Variants in SLIT2 observed in about 807,000 individuals in gnomAD.
SLIT2 encodes slit homolog 2 protein.
A neutral mutation model predicts 185.7 loss-of-function variants in SLIT2; 41 were observed. That is an observed-to-expected ratio of 0.22 (90% CI 0.17 to 0.29). The LOEUF (loss-of-function observed/expected upper bound fraction) is 0.29, where lower values mean the gene tolerates loss of function less well. SLIT2 is among the 10% of genes least tolerant of loss of function. The pLI, the probability that SLIT2 is intolerant of heterozygous loss-of-function variation, is 1.00. For synonymous variants in SLIT2, 693 were observed against 680.2 expected, an observed-to-expected ratio of 1.02 and a Z score of -0.29; for missense variants, 1,571 against 1,909.0, an observed-to-expected ratio of 0.82 and a Z score of 3.30.
chr4:20,601,554 T>C (rs1241385435), intron 33 of SLIT2, among the ~76,000 whole-genome samples: 4 of 152,208 alleles, frequency 2.6e-5, no homozygotes, highest in African/African-American at 9.6e-5. Context: ...AATCCTCTCC[T>C]TTCCTTTACC....
intron 4 of SLIT2, among the ~76,000 whole-genome samples, chr4:20,318,947 A>T (rs185301791): frequency 8.3e-4 from 126 of 152,230 alleles, no homozygotes; most frequent in African/African-American, 3.0e-3. Context: ...TTCCTTAGAG[A>T]CTTATAGACA....
rs1249547502 is a variant in SLIT2, at chr4:20,607,770, T to C, written c.3693-2243T>C. Among the ~76,000 whole-genome samples the C allele has an allele frequency of 3.3e-5, 5 of 152,144 alleles. No homozygotes were observed. In the East Asian group the frequency reaches 9.6e-4, roughly 29 times the overall value. On this transcript the variant is annotated intron_variant, in intron 33 of 36. Coordinates refer to ENST00000504154, the MANE Select transcript of SLIT2 (RefSeq NM_004787.4). ...CTTGGTAATATATGGGTCTTTTCTT[T>C]GCAATTTTAAAGAGAAATGGGGGGC...
At chr4:20,537,090 T>A (rs1179966355) in intron 18 of SLIT2, among the ~76,000 whole-genome samples, 1 of 152,222 alleles carries the variant, frequency 6.6e-6, no homozygotes, top group Non-Finnish European at 1.5e-5. Flanking sequence ...GTTTTATAGT[T>A]AACTTTTTGT....
Position 20,253,521 on chromosome 4 carries a change from T to C in SLIT2, c.-295T>C, listed in dbSNP as rs1722202366. Reference sequence around the variant, plus strand: ...CTTGGGAGACAGAAGACGCGTGATCTCCTCTCCGCTGCTCTTGGGGTCTCC... The same window carrying C: ...CTTGGGAGACAGAAGACGCGTGATCCCCTCTCCGCTGCTCTTGGGGTCTCC... On this transcript the variant is annotated 5_prime_UTR_variant, in exon 1 of 37. Coordinates refer to ENST00000504154, the MANE Select transcript of SLIT2 (RefSeq NM_004787.4). 2.4e-6 allele frequency: 1 copy of C among 409,974 alleles called. No individual in the cohort carries two copies. Among genetic ancestry groups the C allele is most frequent in the South Asian group, 5.0e-5 (1 of 19,926 alleles). The allele number at this position is 409,974 out of a possible 1,614,324, so 25.4% of individuals were successfully genotyped here.
intron 4 of SLIT2, among the ~76,000 whole-genome samples, chr4:20,452,856 G>A (rs1361604123): frequency 6.6e-6 from 1 of 152,162 alleles, no homozygotes; most frequent in Non-Finnish European, 1.5e-5. Flanking sequence ...CAGAGCAGGT[G>A]GCAGGGATGC....
chr4:20,371,156 C>A (rs1723537491), intron 4 of SLIT2, among the ~76,000 whole-genome samples: 1 of 152,042 alleles, frequency 6.6e-6, no homozygotes, highest in African/African-American at 2.4e-5. Context: ...GGGCACCATT[C>A]AGATGTTACC....
At position 20,467,814 on chromosome 4, in the gene SLIT2, TA is replaced by T; in HGVS notation, c.464del (p.Asn155IlefsTer88). On this transcript the variant is annotated frameshift_variant, in exon 5 of 37. Coordinates refer to ENST00000504154, the MANE Select transcript of SLIT2 (RefSeq NM_004787.4). LOFTEE classifies it high-confidence loss of function. Reference sequence around the variant, plus strand: ...AAAGCTTTCCGTGGGGCAGTTGACATAAAAAATTTGTAAGTATCTATTTTTA... The same window carrying T: ...AAAGCTTTCCGTGGGGCAGTTGACATAAAAATTTGTAAGTATCTATTTTTA... ...PRKAFRGAVD[I>X]KNLQLDYNQI... 1.9e-6 allele frequency: 3 copies of T among 1,579,340 alleles called. No individual in the cohort carries two copies. Among genetic ancestry groups the T allele is most frequent in the Non-Finnish European group, 2.6e-6 (3 of 1,156,648 alleles).
intron 4 of SLIT2, among the ~76,000 whole-genome samples, chr4:20,457,858 G>T (rs1292820839): frequency 6.6e-6 from 1 of 152,150 alleles, no homozygotes. Context: ...CTCTGATGAA[G>T]CACTTCATAG....
At chr4:20,315,176 T>TA (rs1718468329) in intron 4 of SLIT2, among the ~76,000 whole-genome samples, 1 of 152,104 alleles carries the variant, frequency 6.6e-6, no homozygotes, top group African/African-American at 2.4e-5. Flanking sequence ...AATAAAACCT[T>TA]AGAGTTTCTC....
chr4:20,464,118 G>A (rs1714084295), intron 4 of SLIT2, among the ~76,000 whole-genome samples: 2 of 152,054 alleles, frequency 1.3e-5, no homozygotes, highest in South Asian at 4.1e-4. Context: ...CATGCCTCAT[G>A]CACTGTCCCA....
intron 14 of SLIT2, 46 bp from the exon 15 acceptor site, chr4:20,525,102 CT>C (rs758013769): frequency 8.5e-6 from 12 of 1,410,302 alleles, no homozygotes; most frequent in Non-Finnish European, 1.1e-5. Flanking sequence ...TCTCTGCTTG[CT>C]GACATTCAGG....
At chr4:20,273,715 C>G (rs1713873448) in intron 4 of SLIT2, among the ~76,000 whole-genome samples, 1 of 152,108 alleles carries the variant, frequency 6.6e-6, no homozygotes, top group East Asian at 1.9e-4. Context: ...AAAACGAACT[C>G]CCTAGTTCTT....
At chr4:20,453,366 TGATA>T (rs1400090455) in intron 4 of SLIT2, among the ~76,000 whole-genome samples, 1 of 152,184 alleles carries the variant, frequency 6.6e-6, no homozygotes, top group African/African-American at 2.4e-5. Context: ...AATTGTACTT[TGATA>T]GATATAATTG....
chr4:20,457,841 T>G (rs1022055842), intron 4 of SLIT2, among the ~76,000 whole-genome samples: 7 of 152,196 alleles, frequency 4.6e-5, no homozygotes, highest in African/African-American at 1.4e-4. Flanking sequence ...GCCAGTGCCT[T>G]TTTGTGCTCT....
intron 4 of SLIT2, among the ~76,000 whole-genome samples, chr4:20,341,817 A>G (rs1237104483): frequency 6.6e-6 from 1 of 152,218 alleles, no homozygotes; most frequent in African/African-American, 2.4e-5. Flanking sequence ...TTAGGTATGA[A>G]GTAGATTTGT....
chr4:20,297,784 A>T (rs1716632489), intron 4 of SLIT2, among the ~76,000 whole-genome samples: 1 of 151,340 alleles, frequency 6.6e-6, no homozygotes, highest in East Asian at 2.0e-4. Flanking sequence ...ATAGGAGGTA[A>T]AAAGAGGAGA....
intron 4 of SLIT2, among the ~76,000 whole-genome samples, chr4:20,314,260 A>T (rs970009981): frequency 6.6e-6 from 1 of 152,216 alleles, no homozygotes; most frequent in Non-Finnish European, 1.5e-5. Context: ...TAATGAAACG[A>T]GATAATGTTA....
At position 20,618,896 on chromosome 4, in the gene SLIT2, G is replaced by A. The variant is rs771269445; in HGVS notation, c.4477G>A (p.Gly1493Arg). The A allele has an allele frequency of 5.6e-6, 9 of 1,614,000 alleles. No individual in the cohort carries two copies. In the East Asian group the frequency reaches 2.0e-4, roughly 36 times the overall value. ...TGGGTGTGCAGGAGGGCAGTGCTGTGGACCGCTGAGGAGCAAGCGGCGGAA... is the reference window on the plus strand; with the variant it reads ...TGGGTGTGCAGGAGGGCAGTGCTGTAGACCGCTGAGGAGCAAGCGGCGGAA... ...RGGCAGGQCCGPLRSKRRKYS... is the reference protein window; with the variant it reads ...RGGCAGGQCCRPLRSKRRKYS... The change falls in exon 37 of 37, where the codon GGA becomes AGA. Residue 1493 changes from glycine (G) to arginine (R), a missense_variant. Gly to Arg is a moderately radical substitution (Grantham distance 125). This residue lies in a region of SLIT2 where 223 missense variants were observed against 245.2 expected (regional missense o/e 0.91). Transcript: ENST00000504154.
At chr4:20,388,647 GC>G (rs1163099880) in intron 4 of SLIT2, among the ~76,000 whole-genome samples, 35 of 151,558 alleles carry the variant, frequency 2.3e-4, no homozygotes, top group Non-Finnish European at 2.9e-5. Flanking sequence ...GGTGGCGTGT[GC>G]CTGTAGTCCC....
Sources: allele counts gnomAD v4.1 joint callset (sites outside exome capture counted in the v4.1 genomes callset), GRCh38; gene constraint gnomAD v4.1.1; regional missense constraint gnomAD v4.1.1; transcripts MANE v1.5; gene names NCBI Gene and HGNC (gene_info 2026-07-23, HGNC 2026-07-21).